Variants in CEP135 observed in about 807,000 individuals in gnomAD.
CEP135 encodes centrosomal protein of 135 kDa.
A neutral mutation model predicts 157.3 loss-of-function variants in CEP135; 142 were observed. That is an observed-to-expected ratio of 0.90 (90% confidence interval 0.79 to 1.04). The LOEUF (loss-of-function observed/expected upper bound fraction) is 1.04. Ranked by LOEUF, CEP135 falls within the 50% of genes least tolerant of loss-of-function variation. CEP135 has a pLI of 0.00. For synonymous variants in CEP135, 396 were observed against 439.8 expected (o/e 0.90, Z 1.25); for missense variants, 1,317 against 1,309.2 (o/e 1.01, Z -0.09).
chr4:56,001,979 A>T (rs1465995320), intron 17 of CEP135, among the ~76,000 whole-genome samples: 1 of 151,756 alleles, frequency 6.6e-6, no homozygotes, highest in African/African-American at 2.4e-5. Context: ...GGTTAAATTG[A>T]TTCCTGGGTG....
chr4:55,992,177 T>C (rs1288541175), intron 15 of CEP135, 92 bp downstream of exon 15: 1 of 1,245,460 alleles, frequency 8.0e-7, no homozygotes, highest in Non-Finnish European at 1.1e-6. Context: ...ACTGGGCCTT[T>C]GTGCAGTAGT....
At chr4:55,987,374 C>T (rs775114587) in intron 14 of CEP135, among the ~76,000 whole-genome samples, 1 of 152,286 alleles carries the variant, frequency 6.6e-6, no homozygotes, top group South Asian at 2.1e-4. Context: ...TCACTCTTTG[C>T]ACCTCTCCTC....
At chr4:55,971,452 C>A in intron 10 of CEP135, 44 bp downstream of exon 10, 1 of 1,535,110 alleles carries the variant, frequency 6.5e-7, no homozygotes. Flanking sequence ...TTGTGATTTC[C>A]TCTTGATGTA....
At chr4:56,017,992 G>C (rs982343801) in intron 22 of CEP135, 135 bp downstream of exon 22, 2 of 745,334 alleles carry the variant, frequency 2.7e-6, no homozygotes, top group African/African-American at 3.6e-5. Context: ...ATGGAGTTTT[G>C]CTCTGTCGCT....
Position 56,008,352 on chromosome 4 carries a change from T to C in CEP135, c.2306T>C (p.Ile769Thr), listed in dbSNP as rs761548261. Residue 769 changes from isoleucine to threonine, a missense_variant, in exon 18 of 26, where the codon ATA (isoleucine) becomes ACA (threonine). Transcript: ENST00000257287. The stretch of plus-strand genomic sequence containing the variant: ...GAAAAAGCTGTTGCTCAAATGAAGA[T>C]AATGATCTCAGAGTGTGAATCATCT... ...NKEKAVAQMK[I>T]MISECESSVN... The C allele has an allele frequency of 6.2e-7, 1 of 1,610,222 alleles. No homozygotes were observed. The highest frequency in any genetic ancestry group is 1.1e-5 in the South Asian group (1 of 89,984).
rs886208531 is a variant in CEP135, at chr4:56,022,658, A to T, written c.3321-1843A>T. Among the ~76,000 whole-genome samples the T allele has an allele frequency of 2.0e-5, 3 of 152,200 alleles. No individual in the cohort carries two copies. The East Asian group carries it at 5.8e-4, about 29-fold the overall frequency. On this transcript the variant is annotated intron_variant, in intron 24 of 25. Transcript: ENST00000257287. ...AGAGACTATGAATAGCCCACAAAGG[A>T]GATGGCAACATAATCCCCATTCTTG... is the stretch of plus-strand genomic sequence containing the variant.
intron 17 of CEP135, among the ~76,000 whole-genome samples, chr4:56,000,637 G>A (rs192278337): frequency 6.6e-6 from 1 of 152,190 alleles, no homozygotes; most frequent in Non-Finnish European, 1.5e-5. Flanking sequence ...ATGACCTCCA[G>A]GTCCATCCAT....
chr4:55,969,787 C>G (rs746874342), intron 9 of CEP135, among the ~76,000 whole-genome samples: 6 of 152,044 alleles, frequency 3.9e-5, no homozygotes, highest in Non-Finnish European at 7.4e-5. Flanking sequence ...ATATTAAAAC[C>G]AGGAGTTAAT....
intron 14 of CEP135, among the ~76,000 whole-genome samples, chr4:55,987,043 A>G (rs9312669): frequency 0.11 from 17,494 of 152,198 alleles, 1,285 homozygotes; most frequent in East Asian, 0.24. Context: ...GATGCAGTTA[A>G]ATTATATGGA....
At chr4:56,001,480 T>C (rs2109716668) in intron 17 of CEP135, among the ~76,000 whole-genome samples, 1 of 152,310 alleles carries the variant, frequency 6.6e-6, no homozygotes, top group Non-Finnish European at 1.5e-5. Context: ...TATATGGTTA[T>C]CCAGTTTTCC....
rs555503980 is a variant in CEP135, at chr4:55,968,877, C to T, written c.1045-186C>T. Among the ~76,000 whole-genome samples the T allele has an allele frequency of 2.9e-3, 442 of 152,204 alleles. 3 individuals are homozygous for T. Among genetic ancestry groups the T allele is most frequent in the African/African-American group, 0.01 (426 of 41,532 alleles). On this transcript the variant is annotated intron_variant, in intron 8 of 25. Coordinates refer to ENST00000257287, the MANE Select transcript of CEP135 (RefSeq NM_025009.5). ...TTACAAGTAGGCTCCTGTAAACATTCGGGATACCAAAAGATTAAAGAGAAG... is the reference window on the plus strand; with the variant it reads ...TTACAAGTAGGCTCCTGTAAACATTTGGGATACCAAAAGATTAAAGAGAAG...
At chr4:55,967,481 T>C (rs1203542443) in intron 8 of CEP135, among the ~76,000 whole-genome samples, 1 of 152,110 alleles carries the variant, frequency 6.6e-6, no homozygotes, top group African/African-American at 2.4e-5. Context: ...TCTTTGAACA[T>C]TGAGAGAAAG....
intron 15 of CEP135, among the ~76,000 whole-genome samples, chr4:55,992,303 A>G (rs958822275): frequency 6.6e-6 from 1 of 152,198 alleles, no homozygotes; most frequent in African/African-American, 2.4e-5. Context: ...GGTTTTGGGT[A>G]TCTGTGTTTT....
Position 55,974,857 on chromosome 4 carries a change from G to A in CEP135, c.1361G>A (p.Arg454Gln), listed in dbSNP as rs1325831067. Residue 454 changes from arginine to glutamine, a missense_variant, in exon 11 of 26, where the codon CGA becomes CAA. Transcript: ENST00000257287. ...TTTCTGAAAGGTATAGAAGAAGAAC[G>A]AGATTATTATAAGAAAGAGCTAGAG... ...DTFLKGIEEE[R>Q]DYYKKELERL... 4 of 1,613,750 alleles carry A rather than the reference G, an allele frequency of 2.5e-6. No homozygotes were observed. Among genetic ancestry groups the A allele is most frequent in the Non-Finnish European group, 2.5e-6 (3 of 1,179,826 alleles).
At chr4:55,962,246 C>T (rs1232604968) in intron 6 of CEP135, among the ~76,000 whole-genome samples, 1 of 152,050 alleles carries the variant, frequency 6.6e-6, no homozygotes, top group African/African-American at 2.4e-5. Flanking sequence ...ACTACAGGCA[C>T]CCACCACCAC....
chr4:56,005,171 A>G (rs1275157280), intron 17 of CEP135, among the ~76,000 whole-genome samples: 1 of 152,162 alleles, frequency 6.6e-6, no homozygotes. Context: ...AAGACCAGGC[A>G]TATTGGCTCA....
At position 55,974,776 on chromosome 4, in the gene CEP135, T is replaced by G; in HGVS notation, c.1280T>G (p.Met427Arg). ...CAACTTACTCTGGAGGTTGAGAGGA[T>G]GAGACTAGAACATGGAATAAAACGT... The part of the protein sequence containing the change: ...ERQLTLEVER[M>R]RLEHGIKRRD... The change falls in exon 11 of 26, where the codon ATG (methionine) becomes AGG (arginine). Residue 427 changes from methionine to arginine, a missense_variant. Coordinates refer to ENST00000257287, the MANE Select transcript of CEP135 (RefSeq NM_025009.5). 6.2e-7 allele frequency: 1 copy of G among 1,613,544 alleles called. No homozygotes were observed. The highest frequency in any genetic ancestry group is 8.5e-7 in the Non-Finnish European group (1 of 1,179,712).
chr4:55,991,912 TG>T (rs778015579), intron 14 of CEP135, 21 bp from the exon 15 acceptor site: 671 of 1,269,396 alleles, frequency 5.3e-4, no homozygotes, highest in Non-Finnish European at 6.7e-4. Context: ...ATATACCTAC[TG>T]TTTTTTTATT....
At chr4:55,950,304 T>C (rs371032697) in intron 1 of CEP135, among the ~76,000 whole-genome samples, 4 of 152,194 alleles carry the variant, frequency 2.6e-5, no homozygotes, top group Non-Finnish European at 5.9e-5. Context: ...GATAATATCA[T>C]TGGTCTTTCT....
Sources: gnomAD v4.1 joint callset for allele counts (sites outside exome capture counted in the v4.1 genomes callset) on GRCh38, gnomAD v4.1.1 for gene constraint, MANE v1.5 for transcripts, NCBI Gene and HGNC (gene_info 2026-07-23, HGNC 2026-07-21) for gene names.